The following CCDC126 variants were observed in gnomAD, a reference collection of about 807,000 sequenced individuals.
The protein encoded by CCDC126 is coiled-coil domain containing 126, also known as coiled-coil domain-containing protein 126.
A neutral mutation model predicts 11.7 loss-of-function variants in CCDC126; 5 were observed. The observed-to-expected ratio is 0.43, with a 90% CI of 0.22 to 0.90. The LOEUF is 0.90. Among genes scored for constraint, CCDC126 ranks in the 40% least tolerant of loss-of-function variants. CCDC126 has a pLI of 0.27. For synonymous variants in CCDC126, 60 were observed against 61.9 expected (o/e 0.97, Z 0.14); for missense variants, 150 against 163.1 (o/e 0.92, Z 0.44).
chr7:23,611,211 A>T lies in CCDC126; in HGVS notation c.-105A>T, dbSNP rs1432144549. On this transcript the variant is annotated 5_prime_UTR_variant, in exon 3 of 4. Coordinates refer to ENST00000307471, the MANE Select transcript of CCDC126 (RefSeq NM_138771.4). Reference sequence around the variant, plus strand: ...TACAACCTTGCTGAAGATGAAGAATATACAATATTGAGGATATTTTTTTCT... The same window carrying T: ...TACAACCTTGCTGAAGATGAAGAATTTACAATATTGAGGATATTTTTTTCT... The T allele has an allele frequency of 5.6e-6, 4 of 717,830 alleles. No individual in the cohort carries two copies. In the East Asian group the frequency reaches 7.4e-5, roughly 13 times the overall value. 44.5% of individuals were successfully genotyped at this position (717,830 alleles called of 1,614,324 possible).
chr7:23,636,611 A>G (rs1445750783), intron 3 of CCDC126, among the ~76,000 whole-genome samples: 13 of 104,490 alleles, frequency 1.2e-4, no homozygotes, highest in African/African-American at 3.5e-4. Flanking sequence ...GAAGTGAGGA[A>G]ACTCTCTGCC....
chr7:23,637,046 C>T (rs1783241604), intron 3 of CCDC126, among the ~76,000 whole-genome samples: 1 of 97,442 alleles, frequency 1.0e-5, no homozygotes, highest in East Asian at 3.0e-4. Flanking sequence ...AGCCCCCCGC[C>T]CGGCCAGCCG....
intron 3 of CCDC126, among the ~76,000 whole-genome samples, chr7:23,618,345 G>A (rs1782829338): frequency 6.6e-6 from 1 of 152,048 alleles, no homozygotes; most frequent in Non-Finnish European, 1.5e-5. Flanking sequence ...GACATGGCCA[G>A]CTCCCCAACC....
At chr7:23,600,568 A>G (rs1374560855) in intron 2 of CCDC126, among the ~76,000 whole-genome samples, 2 of 152,118 alleles carry the variant, frequency 1.3e-5, no homozygotes, top group African/African-American at 2.4e-5. Flanking sequence ...TAGTAAATCT[A>G]TGCCTCTCTA....
intron 3 of CCDC126, among the ~76,000 whole-genome samples, chr7:23,623,098 C>T (rs1365856318): frequency 6.6e-6 from 1 of 151,658 alleles, no homozygotes; most frequent in Non-Finnish European, 1.5e-5. Context: ...CTTAGCCTCC[C>T]AACTGGCTGG....
chr7:23,622,207 G>T (rs529300523), intron 3 of CCDC126, among the ~76,000 whole-genome samples: 2 of 152,176 alleles, frequency 1.3e-5, no homozygotes, highest in African/African-American at 4.8e-5. Context: ...ACTCCATCTG[G>T]TCCTGGACTG....
chr7:23,607,537 A>G (rs114838239), intron 2 of CCDC126, among the ~76,000 whole-genome samples: 117 of 152,334 alleles, frequency 7.7e-4, no homozygotes, highest in African/African-American at 2.6e-3. Flanking sequence ...TCACTAAATT[A>G]AAAGTACATA....
chr7:23,643,017 G>C lies in CCDC126; in HGVS notation c.325G>C (p.Val109Leu), dbSNP rs1783391335. The C allele has an allele frequency of 1.2e-6, 2 of 1,614,026 alleles. No individual in the cohort carries two copies. Among genetic ancestry groups the C allele is most frequent in the African/African-American group, 1.3e-5 (1 of 74,928 alleles). The change falls in exon 4 of 4, where the codon GTG (valine) becomes CTG (leucine). Residue 109 changes from valine (V) to leucine (L), a missense_variant. Transcript: ENST00000307471. ...GGAGAACAAAGTTGACTATATTGTT[G>C]TGAATGGCTCAGCAGCCAACACCAC... ...KLENKVDYIV[V>L]NGSAANTTNG...
chr7:23,640,231 C>T (rs1013900341), intron 3 of CCDC126, among the ~76,000 whole-genome samples: 3 of 151,114 alleles, frequency 2.0e-5, no homozygotes, highest in African/African-American at 7.3e-5. Flanking sequence ...GGCATGGTGG[C>T]TTATGTCTGT....
chr7:23,640,363 G>A (rs1039373820), intron 3 of CCDC126, among the ~76,000 whole-genome samples: 3 of 151,410 alleles, frequency 2.0e-5, no homozygotes, highest in African/African-American at 7.3e-5. Flanking sequence ...CAGGCATGGT[G>A]TTGCATGCCT....
chr7:23,609,374 G>A (rs1161297271), intron 2 of CCDC126, among the ~76,000 whole-genome samples: 1 of 152,016 alleles, frequency 6.6e-6, no homozygotes, highest in African/African-American at 2.4e-5. Context: ...GTAGAGATGG[G>A]CTTTCACCAT....
Position 23,611,463 on chromosome 7 carries a change from C to G in CCDC126, c.148C>G (p.Leu50Val), listed in dbSNP as rs759116838. The G allele has an allele frequency of 1.2e-6, 2 of 1,613,790 alleles. No individual in the cohort carries two copies. The highest frequency in any genetic ancestry group is 1.3e-5 in the African/African-American group (1 of 74,892). ...CAGTGTCAAGTTACGTGAGCAAATACTAGACTTAAGCAAAAGATATGTTAA... is the reference window on the plus strand; with the variant it reads ...CAGTGTCAAGTTACGTGAGCAAATAGTAGACTTAAGCAAAAGATATGTTAA... ...QSSVKLREQI[L>V]DLSKRYVKAL... is the part of the protein sequence containing the mutation. Residue 50 changes from leucine to valine, a missense_variant, in exon 3 of 4, where the codon CTA becomes GTA. Physicochemically the swap from Leu to Val is conservative, Grantham distance 32. Transcript: ENST00000307471.
At chr7:23,623,418 G>A (rs934456134) in intron 3 of CCDC126, among the ~76,000 whole-genome samples, 1 of 151,956 alleles carries the variant, frequency 6.6e-6, no homozygotes, top group Admixed American at 6.6e-5. Flanking sequence ...ACAACATGGC[G>A]AAACCCCATC....
In CCDC126 at chr7:23,643,437, A is replaced by T. The variant is rs2128023904; in HGVS notation, c.*322A>T. On this transcript the variant is annotated 3_prime_UTR_variant, in exon 4 of 4. Coordinates refer to ENST00000307471, the MANE Select transcript of CCDC126 (RefSeq NM_138771.4). ...CAAGCTGAAATGAAAACACTGAAAA[A>T]CATGGATTCATTTCTATAACACATT... 4.6e-6 allele frequency: 1 copy of T among 218,210 alleles called. No homozygotes were observed. Among genetic ancestry groups the T allele is most frequent in the African/African-American group, 2.3e-5 (1 of 44,140 alleles). The allele number at this position is 218,210 out of a possible 1,614,324, so 13.5% of individuals were successfully genotyped here. A position where few individuals can be genotyped will look rare whatever the true frequency, so the allele number is the denominator to read the frequency against.
At position 23,614,106 on chromosome 7, in the gene CCDC126, G is replaced by A. The variant is rs533806894; in HGVS notation, c.238+2553G>A. On this transcript the variant is annotated intron_variant, in intron 3 of 3. Coordinates refer to ENST00000307471, the MANE Select transcript of CCDC126 (RefSeq NM_138771.4). ...AATAATGAAGTTTGCCACATTGATG[G>A]ACTCTTCATGAAAGATTTTTTTTGT... 4.8e-4 allele frequency among the ~76,000 whole-genome samples: 73 copies of A among 152,168 alleles called. No individual in the cohort carries two copies. The Middle Eastern group carries it at 0.01, about 21-fold the overall frequency.
intron 3 of CCDC126, among the ~76,000 whole-genome samples, chr7:23,636,201 T>C (rs538430199): frequency 6.6e-6 from 1 of 152,198 alleles, no homozygotes; most frequent in African/African-American, 2.4e-5. Flanking sequence ...AGTGGCGTGA[T>C]CTCGGCTCGC....
chr7:23,601,095 G>A (rs1782533374), intron 2 of CCDC126, among the ~76,000 whole-genome samples: 1 of 151,760 alleles, frequency 6.6e-6, no homozygotes, highest in South Asian at 2.1e-4. Flanking sequence ...GTAACTGTGT[G>A]TGCATAGGCT....
chr7:23,607,575 T>G (rs979037087), intron 2 of CCDC126, among the ~76,000 whole-genome samples: 7 of 152,124 alleles, frequency 4.6e-5, no homozygotes. Flanking sequence ...GCTAAAGAAG[T>G]CAAAACTTCT....
chr7:23,617,379 AG>A (rs34627590), intron 3 of CCDC126, among the ~76,000 whole-genome samples: 9 of 150,292 alleles, frequency 6.0e-5, no homozygotes, highest in Non-Finnish European at 1.2e-4. Flanking sequence ...AAAAAAGAAA[AG>A]GAAAAAAAAA....
Sources: gnomAD v4.1 joint callset for allele counts (sites outside exome capture counted in the v4.1 genomes callset) on GRCh38, gnomAD v4.1.1 for gene constraint, MANE v1.5 for transcripts, NCBI Gene and HGNC (gene_info 2026-07-23, HGNC 2026-07-21) for gene names.